Variants in TCP11L1 observed in about 807,000 individuals in gnomAD.
TCP11L1 encodes the protein T-complex protein 11-like protein 1.
A neutral mutation model predicts 48.9 loss-of-function variants in TCP11L1; 28 were observed. The observed-to-expected ratio is 0.57, with a 90% confidence interval of 0.42 to 0.78. The LOEUF (loss-of-function observed/expected upper bound fraction) is 0.78, where lower values mean the gene tolerates loss of function less well. Ranked by LOEUF, TCP11L1 falls within the 30% of genes least tolerant of loss-of-function variation. The pLI is 0.00. For missense variants in TCP11L1, 505 were observed against 613.4 expected, an observed-to-expected ratio of 0.82 and a Z score of 1.87; for synonymous variants, 204 against 231.9, an observed-to-expected ratio of 0.88 and a Z score of 1.09.
intron 3 of TCP11L1, among the ~76,000 whole-genome samples, chr11:33,055,018 G>T (rs1015419447): frequency 1.3e-5 from 2 of 152,190 alleles, no homozygotes; most frequent in Admixed American, 1.3e-4. Context: ...TGGTTTCATC[G>T]CAAAGGCGAA....
At chr11:33,062,569 A>G (rs529125758) in intron 7 of TCP11L1, among the ~76,000 whole-genome samples, 24 of 152,306 alleles carry the variant, frequency 1.6e-4, no homozygotes, top group Non-Finnish European at 3.1e-4. Flanking sequence ...CATTAAGTGC[A>G]TCCACATTGT....
intron 2 of TCP11L1, among the ~76,000 whole-genome samples, chr11:33,050,817 ATTCT>A (rs1397689112): frequency 5.2e-5 from 6 of 116,032 alleles, no homozygotes; most frequent in Non-Finnish European, 9.0e-5. Flanking sequence ...TCTATCTGTG[ATTCT>A]TTTTTTTTTT....
At chr11:33,066,360 G>T (rs1374060497) in intron 8 of TCP11L1, among the ~76,000 whole-genome samples, 1 of 152,126 alleles carries the variant, frequency 6.6e-6, no homozygotes, top group East Asian at 1.9e-4. Context: ...AAGCAAGAGG[G>T]GGAACGTAAT....
rs775660129 is a variant in TCP11L1, at chr11:33,043,817, A to C, written c.44A>C (p.Lys15Thr). Residue 15 changes from lysine to threonine, a missense_variant, in exon 2 of 10, where the codon AAA (lysine) becomes ACA (threonine). Physicochemically the swap from Lys to Thr is moderately conservative, Grantham distance 78. Around this residue, in one of 3 missense-constraint regions of TCP11L1, gnomAD observed 168 missense variants for 183.5 expected, o/e 0.92. Coordinates refer to ENST00000334274, the MANE Select transcript of TCP11L1 (RefSeq NM_018393.4). Reference protein sequence around the residue: ...LDKSNVNEAGKSKSNDSEEGL... With the variant: ...LDKSNVNEAGTSKSNDSEEGL... ...AAGTCCAATGTAAATGAAGCAGGAAAATCAAAATCCAATGATTCTGAGGAA... is the reference window on the plus strand; with the variant it reads ...AAGTCCAATGTAAATGAAGCAGGAACATCAAAATCCAATGATTCTGAGGAA... The C allele has an allele frequency of 8.0e-5, 129 of 1,613,744 alleles. No homozygotes were observed. The highest frequency in any genetic ancestry group is 1.0e-4 in the Non-Finnish European group (121 of 1,179,944).
At position 33,072,988 on chromosome 11, in the gene TCP11L1, T is replaced by A; in HGVS notation, c.*312T>A. 2.8e-6 allele frequency: 1 copy of A among 359,306 alleles called. No individual in the cohort carries two copies. Among genetic ancestry groups the A allele is most frequent in the Non-Finnish European group, 5.2e-6 (1 of 190,768 alleles). 22.3% of individuals were successfully genotyped at this position (359,306 alleles called of 1,614,324 possible). A position where few individuals can be genotyped will look rare whatever the true frequency, so the allele number is the denominator to read the frequency against. ...GTCCTTCCAAGGAGGCTGGGACCTCTCTCTTCTGCAATCTGGGTAGTTCTT... is the reference window on the plus strand; with the variant it reads ...GTCCTTCCAAGGAGGCTGGGACCTCACTCTTCTGCAATCTGGGTAGTTCTT... On this transcript the variant is annotated 3_prime_UTR_variant, in exon 10 of 10. Transcript: ENST00000334274.
chr11:33,054,836 C>T (rs1590229015), intron 3 of TCP11L1, 111 bp downstream of exon 3: 3 of 1,233,642 alleles, frequency 2.4e-6, no homozygotes, highest in East Asian at 5.4e-5. Flanking sequence ...TCCTTTTGTA[C>T]ATTATTGCTA....
intron 5 of TCP11L1, 121 bp downstream of exon 5, chr11:33,058,260 G>A (rs899006209): frequency 8.3e-5 from 78 of 939,524 alleles, no homozygotes; most frequent in Middle Eastern, 3.4e-4. Flanking sequence ...GTGCAATGGC[G>A]TGATCTTGGT....
chr11:33,050,073 T>C (rs1353434995), intron 2 of TCP11L1, among the ~76,000 whole-genome samples: 1 of 152,054 alleles, frequency 6.6e-6, no homozygotes. Context: ...AGCACTTTTT[T>C]AACAAAGCAC....
intron 2 of TCP11L1, among the ~76,000 whole-genome samples, chr11:33,049,248 C>A (rs1323620361): frequency 2.6e-3 from 326 of 127,530 alleles, no homozygotes; most frequent in African/African-American, 3.5e-3. Context: ...GACTCCGTCT[C>A]AAAAAAAAAA....
intron 9 of TCP11L1, among the ~76,000 whole-genome samples, chr11:33,072,234 A>T (rs1257830636): frequency 1.3e-5 from 2 of 152,138 alleles, no homozygotes; most frequent in African/African-American, 4.8e-5. Context: ...TGCTGAGGAG[A>T]CATGATGAAC....
At chr11:33,059,561 G>A (rs1854412845) in intron 6 of TCP11L1, among the ~76,000 whole-genome samples, 3 of 152,138 alleles carry the variant, frequency 2.0e-5, no homozygotes. Context: ...GAACCTCTCC[G>A]ATGACTGCAG....
chr11:33,061,492 T>G (rs777387099), intron 6 of TCP11L1, 38 bp from the exon 7 acceptor site: 4 of 1,521,222 alleles, frequency 2.6e-6, no homozygotes, highest in Non-Finnish European at 3.5e-6. Context: ...CATCCCTTCT[T>G]GGTGTCAAGG....
At chr11:33,048,824 C>T (rs953968132) in intron 2 of TCP11L1, among the ~76,000 whole-genome samples, 3 of 152,184 alleles carry the variant, frequency 2.0e-5, no homozygotes, top group Admixed American at 6.5e-5. Flanking sequence ...ATTTAAGTGA[C>T]TTGTTCAAGG....
rs1222505379 is a variant in TCP11L1, at chr11:33,061,531, T to A, written c.777T>A (p.Asn259Lys). ...KFQEILERQPNSLDFVTQWLE... is the reference protein window; with the variant it reads ...KFQEILERQPKSLDFVTQWLE... ...TGTGTGCAGCTTTGTTTTTCACAGA[T>A]TCCCTGGACTTTGTCACCCAGTGGC... Residue 259 changes from asparagine (N) to lysine (K), a missense_variant and splice_region_variant, in exon 7 of 10, where the codon AAT becomes AAA. Asn to Lys is a moderately conservative substitution (Grantham distance 94). This residue lies in a region of TCP11L1 where 335 missense variants were observed against 413.3 expected (regional missense o/e 0.81). Transcript: ENST00000334274. The A allele has an allele frequency of 6.3e-7, 1 of 1,598,622 alleles. No individual in the cohort carries two copies. The highest frequency in any genetic ancestry group is 1.7e-5 in the Admixed American group (1 of 58,276).
intron 2 of TCP11L1, among the ~76,000 whole-genome samples, chr11:33,046,403 C>T (rs1798706286): frequency 6.6e-6 from 1 of 152,230 alleles, no homozygotes; most frequent in Admixed American, 6.5e-5. Flanking sequence ...TACTAAGCTA[C>T]ATTATCTGAA....
At chr11:33,064,696 C>T (rs1005307175) in intron 7 of TCP11L1, among the ~76,000 whole-genome samples, 2 of 152,204 alleles carry the variant, frequency 1.3e-5, no homozygotes, top group South Asian at 4.1e-4. Context: ...TACAAGCTTC[C>T]TTTGTGCTGG....
chr11:33,039,846 G>C (rs942238416), intron 1 of TCP11L1, 54 bp downstream of exon 1: 1 of 152,494 alleles, frequency 6.6e-6, no homozygotes, highest in African/African-American at 2.4e-5. Flanking sequence ...GAGGCGCGCG[G>C]TCCAAGTCGC....
intron 9 of TCP11L1, among the ~76,000 whole-genome samples, chr11:33,071,415 T>G (rs1854787539): frequency 6.6e-6 from 1 of 152,172 alleles, no homozygotes; most frequent in Non-Finnish European, 1.5e-5. Context: ...CTGAGAGGAT[T>G]CCCCAGGCAG....
intron 8 of TCP11L1, 122 bp from the exon 9 acceptor site, chr11:33,068,565 A>G (rs1453672285): frequency 8.0e-7 from 1 of 1,252,188 alleles, no homozygotes; most frequent in Admixed American, 2.0e-5. Flanking sequence ...AAGAGTCTCA[A>G]ATTGTCCCTT....
Sources: allele counts gnomAD v4.1 joint callset (sites outside exome capture counted in the v4.1 genomes callset), GRCh38; gene constraint gnomAD v4.1.1; regional missense constraint gnomAD v4.1.1; transcripts MANE v1.5; gene names NCBI Gene and HGNC (gene_info 2026-07-23, HGNC 2026-07-21).